MACROD2: variants seen among roughly 807,000 people sequenced by gnomAD.
The protein encoded by MACROD2 is mono-ADP ribosylhydrolase 2.
In MACROD2, 36 loss-of-function variants were observed where a neutral mutation model predicts 70.4. The ratio of observed to expected loss-of-function variants is 0.51; its 90% CI spans 0.39 to 0.68. MACROD2 has a LOEUF of 0.68. MACROD2 is among the 30% of genes least tolerant of loss of function. The probability of loss-of-function intolerance (pLI) is 0.00; values close to 1 mark genes in which losing one functional copy is unlikely to be tolerated. For synonymous variants in MACROD2, 172 were observed against 178.8 expected (o/e 0.96, Z 0.30); for missense variants, 496 against 538.4 (o/e 0.92, Z 0.78).
At position 15,045,052 on chromosome 20, in the gene MACROD2, A is replaced by G. The variant is rs201351188; in HGVS notation, c.419-184888A>G. On this transcript the variant is annotated intron_variant, in intron 5 of 17. Transcript: ENST00000684519. ...TGAATTGAAGCTTTTTAACTCCTACATCACAACCTTTTAACACACAAGGAA... is the reference window on the plus strand; with the variant it reads ...TGAATTGAAGCTTTTTAACTCCTACGTCACAACCTTTTAACACACAAGGAA... 3.9e-5 allele frequency among the ~76,000 whole-genome samples: 6 copies of G among 152,310 alleles called. No homozygotes were observed. In the East Asian group the frequency reaches 1.2e-3, roughly 29 times the overall value.
rs117716038 is a variant in MACROD2 at position 15,726,778 on chromosome 20, T to C, written c.646-135967T>C. ...TTTGCCTACTTTTTAATAGAGTTAT[T>C]TGTTTTTTGCTTGTTAATTTGTTTA... On this transcript the variant is annotated intron_variant, in intron 8 of 17. Coordinates refer to ENST00000684519, the MANE Select transcript of MACROD2 (RefSeq NM_001351661.2). Among the ~76,000 whole-genome samples, 264 of 152,262 alleles carry C rather than the reference T, an allele frequency of 1.7e-3. 7 individuals are homozygous for C. The East Asian group carries it at 0.035, about 20-fold the overall frequency.
intron 2 of MACROD2, among the ~76,000 whole-genome samples, chr20:14,028,710 T>G (rs2053210265): frequency 6.6e-6 from 1 of 152,058 alleles, no homozygotes; most frequent in Non-Finnish European, 1.5e-5. Flanking sequence ...CTGGGTGAGG[T>G]GATGCCCCAC....
chr20:14,179,192 G>A (rs2081287769), intron 3 of MACROD2, among the ~76,000 whole-genome samples: 1 of 152,142 alleles, frequency 6.6e-6, no homozygotes, highest in African/African-American at 2.4e-5. Flanking sequence ...TCACAAAGGA[G>A]CATAGTCTCT....
intron 5 of MACROD2, among the ~76,000 whole-genome samples, chr20:15,019,711 G>T (rs1568533605): frequency 1.3e-5 from 2 of 152,090 alleles, no homozygotes; most frequent in South Asian, 2.1e-4. Context: ...AAATGAAGGG[G>T]AGAAGAAGAA....
intron 5 of MACROD2, among the ~76,000 whole-genome samples, chr20:15,165,707 G>T (rs1338795695): frequency 6.6e-6 from 1 of 152,176 alleles, no homozygotes; most frequent in East Asian, 1.9e-4. Flanking sequence ...CCAAAAATAT[G>T]CACGTTTCCA....
chr20:14,420,548 C>T (rs62204373), intron 3 of MACROD2, among the ~76,000 whole-genome samples: 23,664 of 152,054 alleles, frequency 0.16, 2,626 homozygotes, highest in Non-Finnish European at 0.23. Context: ...AAATCCTTTC[C>T]CCATTTTTGA....
At chr20:14,180,214 GAAAA>G (rs1294705240) in intron 3 of MACROD2, among the ~76,000 whole-genome samples, 1 of 146,610 alleles carries the variant, frequency 6.8e-6, no homozygotes, top group East Asian at 2.0e-4. Context: ...TAGCGAGGGA[GAAAA>G]AAAAAAGGAT....
At chr20:14,447,563 T>C (rs1802971081) in intron 3 of MACROD2, among the ~76,000 whole-genome samples, 2 of 151,814 alleles carry the variant, frequency 1.3e-5, no homozygotes, top group Admixed American at 1.3e-4. Flanking sequence ...CAGAGGAGAC[T>C]CTAGGAGTTT....
chr20:15,216,790 C>G (rs2076814353), intron 5 of MACROD2, among the ~76,000 whole-genome samples: 1 of 152,102 alleles, frequency 6.6e-6, no homozygotes, highest in African/African-American at 2.4e-5. Context: ...AGAAGACGCC[C>G]GTGAAACTGC....
At chr20:14,436,199 CA>C (rs1375225456) in intron 3 of MACROD2, among the ~76,000 whole-genome samples, 2 of 151,686 alleles carry the variant, frequency 1.3e-5, no homozygotes, top group Non-Finnish European at 2.9e-5. Flanking sequence ...TATCTGTTGA[CA>C]AGTGATACAA....
intron 5 of MACROD2, among the ~76,000 whole-genome samples, chr20:15,018,506 C>A (rs563374215): frequency 1.3e-5 from 2 of 152,058 alleles, no homozygotes; most frequent in Non-Finnish European, 2.9e-5. Flanking sequence ...TTCCAAAGAT[C>A]TTTGAGTATC....
rs751116351 is a variant in MACROD2, at chr20:15,668,858, T to C, written c.645+169011T>C. Among the ~76,000 whole-genome samples, 209 of 152,358 alleles carry C rather than the reference T, an allele frequency of 1.4e-3. 5 individuals are homozygous for C. Among genetic ancestry groups the C allele is most frequent in the Non-Finnish European group, 2.7e-3 (184 of 68,030 alleles). On this transcript the variant is annotated intron_variant, in intron 8 of 17. Coordinates refer to ENST00000684519, the MANE Select transcript of MACROD2 (RefSeq NM_001351661.2). ...TAGGGTTAGCAAAATGGTGATTCTC[T>C]AATTCTATCATTCCTTCTACATAGA...
At chr20:15,427,000 C>G (rs2046306518) in intron 6 of MACROD2, among the ~76,000 whole-genome samples, 4 of 148,500 alleles carry the variant, frequency 2.7e-5, no homozygotes, top group Admixed American at 2.0e-4. Context: ...CAATCTCTCT[C>G]TCCCTGTCTC....
chr20:15,299,167 G>T (rs919539587), intron 6 of MACROD2, among the ~76,000 whole-genome samples: 4 of 152,178 alleles, frequency 2.6e-5, no homozygotes, highest in South Asian at 2.1e-4. Flanking sequence ...GGTAAATAAT[G>T]TGTGGGTGTG....
At chr20:14,248,944 T>A (rs1729942515) in intron 3 of MACROD2, among the ~76,000 whole-genome samples, 1 of 152,156 alleles carries the variant, frequency 6.6e-6, no homozygotes, top group African/African-American at 2.4e-5. Context: ...AACAATAGAC[T>A]ACACTGTGTC....
intron 3 of MACROD2, among the ~76,000 whole-genome samples, chr20:14,262,838 T>C (rs963352186): frequency 6.6e-6 from 1 of 152,190 alleles, no homozygotes; most frequent in Admixed American, 6.5e-5. Flanking sequence ...AGCAATCTTT[T>C]TTGAGAATAG....
At chr20:15,723,796 A>G (rs2050822436) in intron 8 of MACROD2, among the ~76,000 whole-genome samples, 1 of 152,128 alleles carries the variant, frequency 6.6e-6, no homozygotes, top group Admixed American at 6.5e-5. Context: ...GCCCTTTGGG[A>G]TAAATACTAG....
At chr20:15,060,376 T>A (rs1480271446) in intron 5 of MACROD2, among the ~76,000 whole-genome samples, 1 of 152,186 alleles carries the variant, frequency 6.6e-6, no homozygotes, top group Non-Finnish European at 1.5e-5. Flanking sequence ...ACCCTGCGTC[T>A]TGCTCTTCTT....
At chr20:14,273,829 C>A (rs2082222925) in intron 3 of MACROD2, among the ~76,000 whole-genome samples, 1 of 152,166 alleles carries the variant, frequency 6.6e-6, no homozygotes, top group Admixed American at 6.5e-5. Context: ...ACCGATCCCA[C>A]AGAAACACAA....
Sources: allele counts gnomAD v4.1 joint callset (sites outside exome capture counted in the v4.1 genomes callset), GRCh38; gene constraint gnomAD v4.1.1; transcripts MANE v1.5; gene names NCBI Gene and HGNC (gene_info 2026-07-23, HGNC 2026-07-21).